The following COBL variants were observed in gnomAD, a reference collection of about 807,000 sequenced individuals.
COBL encodes protein cordon-bleu.
In COBL, 51 loss-of-function variants were observed where a neutral mutation model predicts 98.8. The ratio of observed to expected loss-of-function variants is 0.52; its 90% CI spans 0.41 to 0.65. The LOEUF is 0.65. Ranked by LOEUF, COBL falls within the 30% of genes least tolerant of loss-of-function variation. The probability of loss-of-function intolerance (pLI) is 0.00; values close to 1 mark genes in which losing one functional copy is unlikely to be tolerated. For synonymous variants in COBL, 634 were observed against 651.7 expected, an observed-to-expected ratio of 0.97 and a Z score of 0.41; for missense variants, 1,617 against 1,617.5, an observed-to-expected ratio of 1.00 and a Z score of 0.01.
chr7:51,048,876 T>C (rs1789974660), intron 7 of COBL, among the ~76,000 whole-genome samples: 1 of 152,218 alleles, frequency 6.6e-6, no homozygotes. Flanking sequence ...GCTTTTTCAA[T>C]TAATTCCTTA....
At chr7:51,067,252 T>A (rs1255559106) in intron 7 of COBL, among the ~76,000 whole-genome samples, 1 of 152,252 alleles carries the variant, frequency 6.6e-6, no homozygotes, top group African/African-American at 2.4e-5. Context: ...TGCACGCACG[T>A]GTTATGTATA....
At chr7:51,296,009 C>T (rs866833601) in intron 1 of COBL, among the ~76,000 whole-genome samples, 1 of 152,146 alleles carries the variant, frequency 6.6e-6, no homozygotes, top group Non-Finnish European at 1.5e-5. Context: ...TCTGAGAAGG[C>T]CTTCCATAAA....
Position 51,136,196 on chromosome 7 carries a change from C to A in COBL, c.919G>T (p.Gly307Cys). ...TTGTCTTGCACAGGTGGCCCTGAACCTGGAGGAGGAGGGGCTCGGCGCTTC... is the reference window on the plus strand; with the variant it reads ...TTGTCTTGCACAGGTGGCCCTGAACATGGAGGAGGAGGGGCTCGGCGCTTC... ...MKKRRAPPPPGSGPPVQDKAS... is the reference protein window; with the variant it reads ...MKKRRAPPPPCSGPPVQDKAS... The change falls in exon 6 of 13, where the codon GGT becomes TGT. Residue 307 changes from glycine to cysteine, a missense_variant. This residue lies in a region of COBL where 1,304 missense variants were observed against 1,282.0 expected (regional missense o/e 1.02). Transcript: ENST00000265136. The A allele has an allele frequency of 1.2e-6, 2 of 1,612,932 alleles. No homozygotes were observed. The highest frequency in any genetic ancestry group is 1.7e-6 in the Non-Finnish European group (2 of 1,180,006).
intron 1 of COBL, among the ~76,000 whole-genome samples, chr7:51,267,814 T>G (rs2129158607): frequency 6.6e-6 from 1 of 152,204 alleles, no homozygotes; most frequent in Non-Finnish European, 1.5e-5. Flanking sequence ...CCACAAGTGA[T>G]CCGCCTGCCT....
intron 1 of COBL, among the ~76,000 whole-genome samples, chr7:51,281,244 T>A (rs1213989178): frequency 6.6e-6 from 1 of 152,088 alleles, no homozygotes; most frequent in Non-Finnish European, 1.5e-5. Flanking sequence ...AATCATCTAA[T>A]CTGAACAACA....
At position 51,115,224 on chromosome 7, in the gene COBL, A is replaced by G. The variant is rs1797167262; in HGVS notation, c.957+20934T>C. Among the ~76,000 whole-genome samples, 4 of 152,164 alleles carry G rather than the reference A, an allele frequency of 2.6e-5. No individual in the cohort carries two copies. In the South Asian group the frequency reaches 6.2e-4, roughly 24 times the overall value. ...GATCATATGGTTGATCATGTGAAAG[A>G]CAGAAAGAGCTCTGATTTTATGCAT... On this transcript the variant is annotated intron_variant, in intron 6 of 12. Coordinates refer to ENST00000265136, the MANE Select transcript of COBL (RefSeq NM_015198.5).
chr7:51,067,243 G>A (rs960077124), intron 7 of COBL, among the ~76,000 whole-genome samples: 2 of 152,232 alleles, frequency 1.3e-5, no homozygotes, highest in East Asian at 1.9e-4. Flanking sequence ...ATGTATGAGT[G>A]CACGCACGTG....
intron 2 of COBL, among the ~76,000 whole-genome samples, chr7:51,207,875 C>T (rs1247142854): frequency 1.4e-5 from 2 of 143,106 alleles, no homozygotes; most frequent in African/African-American, 5.1e-5. Context: ...TGAGGAGCGT[C>T]TCTGCCTGGC....
intron 2 of COBL, among the ~76,000 whole-genome samples, chr7:51,203,480 A>C (rs1791361887): frequency 6.6e-6 from 1 of 150,668 alleles, no homozygotes; most frequent in Non-Finnish European, 1.5e-5. Flanking sequence ...AAAAAAAAAA[A>C]AAAAACTCTT....
intron 1 of COBL, among the ~76,000 whole-genome samples, chr7:51,237,156 C>A (rs933468510): frequency 6.6e-6 from 1 of 152,180 alleles, no homozygotes; most frequent in Admixed American, 6.5e-5. Flanking sequence ...TTCAATGGTA[C>A]CCCTCCCCAG....
rs555886527 is a variant in COBL at position 51,264,858 on chromosome 7, T to C, written c.42-44914A>G. 4.6e-5 allele frequency among the ~76,000 whole-genome samples: 7 copies of C among 152,234 alleles called. No homozygotes were observed. The South Asian group carries it at 1.2e-3, about 27-fold the overall frequency. On this transcript the variant is annotated intron_variant, in intron 1 of 12. Coordinates refer to ENST00000265136, the MANE Select transcript of COBL (RefSeq NM_015198.5). Reference sequence around the variant, plus strand: ...AGGTTCATTACATTGTTCTCTCTCATACACATGTGCATATGAAATCAGATT... The same window carrying C: ...AGGTTCATTACATTGTTCTCTCTCACACACATGTGCATATGAAATCAGATT...
At chr7:51,218,447 A>T (rs1334900428) in intron 2 of COBL, among the ~76,000 whole-genome samples, 2 of 152,132 alleles carry the variant, frequency 1.3e-5, no homozygotes, top group Non-Finnish European at 2.9e-5. Context: ...ACTCAAGCAA[A>T]CTGCTTCATA....
chr7:51,065,110 A>T (rs745593008), intron 7 of COBL: 2 of 689,636 alleles, frequency 2.9e-6, no homozygotes, highest in Non-Finnish European at 5.3e-6. Flanking sequence ...TCTAACAAGC[A>T]CACAGAGGAT....
intron 1 of COBL, among the ~76,000 whole-genome samples, chr7:51,282,204 C>T (rs1799872311): frequency 1.3e-5 from 2 of 151,928 alleles, no homozygotes; most frequent in East Asian, 3.8e-4. Context: ...AGATGATAGG[C>T]CATTATCCTT....
intron 5 of COBL, among the ~76,000 whole-genome samples, chr7:51,141,633 CTTTT>C (rs57941852): frequency 7.0e-6 from 1 of 142,506 alleles, no homozygotes; most frequent in Non-Finnish European, 1.5e-5. Context: ...GGCTTTACAA[CTTTT>C]TTTTTTTTTT....
intron 6 of COBL, among the ~76,000 whole-genome samples, chr7:51,093,960 T>C (rs1037747820): frequency 6.6e-6 from 1 of 150,960 alleles, no homozygotes; most frequent in Non-Finnish European, 1.5e-5. Flanking sequence ...AACAGATACT[T>C]GGATAAATTG....
rs184966741 is a variant in COBL, at chr7:51,239,388, T to C, written c.42-19444A>G. ...CACCAGCACCATGACAGTTTACAAATGCCATGGCAATGTCCAGAAGTTACC... is the reference window on the plus strand; with the variant it reads ...CACCAGCACCATGACAGTTTACAAACGCCATGGCAATGTCCAGAAGTTACC... On this transcript the variant is annotated intron_variant, in intron 1 of 12. Coordinates refer to ENST00000265136, the MANE Select transcript of COBL (RefSeq NM_015198.5). 3.9e-5 allele frequency among the ~76,000 whole-genome samples: 6 copies of C among 152,304 alleles called. No individual in the cohort carries two copies. The East Asian group carries it at 1.2e-3, about 29-fold the overall frequency.
At chr7:51,162,828 G>T (rs1207918042) in intron 5 of COBL, among the ~76,000 whole-genome samples, 2 of 152,220 alleles carry the variant, frequency 1.3e-5, no homozygotes, top group East Asian at 1.9e-4. Flanking sequence ...GCCAGGCTAA[G>T]CCTCTGTGCT....
intron 5 of COBL, among the ~76,000 whole-genome samples, chr7:51,166,058 T>C (rs1447084459): frequency 5.9e-5 from 9 of 151,818 alleles, no homozygotes; most frequent in Non-Finnish European, 1.0e-4. Flanking sequence ...CTTAAAGAAT[T>C]AGAAAAGCAA....
Sources: allele counts gnomAD v4.1 joint callset (sites outside exome capture counted in the v4.1 genomes callset), GRCh38; gene constraint gnomAD v4.1.1; regional missense constraint gnomAD v4.1.1; transcripts MANE v1.5; gene names NCBI Gene and HGNC (gene_info 2026-07-23, HGNC 2026-07-21).